CAB39: variants seen among roughly 807,000 people sequenced by gnomAD.
The protein encoded by CAB39 is calcium-binding protein 39.
Under a neutral mutation model 40.0 loss-of-function variants are expected in CAB39, and 8 were observed. The ratio of observed to expected loss-of-function variants is 0.20; its 90% CI spans 0.12 to 0.36. CAB39 has a LOEUF of 0.36. Among genes scored for constraint, CAB39 ranks in the 10% least tolerant of loss-of-function variants. The probability of loss-of-function intolerance (pLI) is 1.00; values close to 1 mark genes in which losing one functional copy is unlikely to be tolerated. For synonymous variants in CAB39, 156 were observed against 141.6 expected (o/e 1.10, Z -0.72); for missense variants, 270 against 401.1 (o/e 0.67, Z 2.79).
At chr2:230,749,211 AATC>A (rs1426144232) in intron 1 of CAB39, among the ~76,000 whole-genome samples, 1 of 151,990 alleles carries the variant, frequency 6.6e-6, no homozygotes, top group Non-Finnish European at 1.5e-5. Flanking sequence ...AATGCATTGT[AATC>A]ATTATTTTTT....
intron 1 of CAB39, among the ~76,000 whole-genome samples, chr2:230,716,574 T>C (rs1694353821): frequency 1.3e-5 from 2 of 152,226 alleles, no homozygotes; most frequent in South Asian, 4.1e-4. Flanking sequence ...TTAAAAAATG[T>C]TTTAATTAAA....
intron 1 of CAB39, among the ~76,000 whole-genome samples, chr2:230,758,035 A>G (rs1385418623): frequency 6.6e-6 from 1 of 152,204 alleles, no homozygotes; most frequent in African/African-American, 2.4e-5. Flanking sequence ...ATGATGGCTC[A>G]CACCTGTAAT....
At chr2:230,773,904 A>G (rs1011622513) in intron 2 of CAB39, among the ~76,000 whole-genome samples, 1 of 152,178 alleles carries the variant, frequency 6.6e-6, no homozygotes, top group Non-Finnish European at 1.5e-5. Context: ...CTGTTTCTGA[A>G]GAGGTATTGA....
intron 2 of CAB39, among the ~76,000 whole-genome samples, chr2:230,762,964 C>CT (rs1456311696): frequency 6.6e-6 from 1 of 152,172 alleles, no homozygotes; most frequent in Non-Finnish European, 1.5e-5. Flanking sequence ...CTCAAGACCC[C>CT]TTTTATACTC....
intron 1 of CAB39, among the ~76,000 whole-genome samples, chr2:230,732,044 G>T (rs1694700494): frequency 6.6e-6 from 1 of 151,758 alleles, no homozygotes; most frequent in Admixed American, 6.6e-5. Context: ...GTGGTCAAAG[G>T]AGAGAGAGCT....
chr2:230,778,164 G>A (rs1424168486), intron 2 of CAB39, among the ~76,000 whole-genome samples: 2 of 152,120 alleles, frequency 1.3e-5, no homozygotes, highest in African/African-American at 4.8e-5. Context: ...TTTCTATATT[G>A]AGGTTAGAAT....
At chr2:230,732,804 G>A (rs556927519) in intron 1 of CAB39, among the ~76,000 whole-genome samples, 13 of 152,154 alleles carry the variant, frequency 8.5e-5, no homozygotes, top group Non-Finnish European at 1.3e-4. Flanking sequence ...GCAACTAGTT[G>A]CCCACCTGGC....
intron 1 of CAB39, among the ~76,000 whole-genome samples, chr2:230,718,625 G>A (rs1236766900): frequency 6.6e-6 from 1 of 152,130 alleles, no homozygotes; most frequent in African/African-American, 2.4e-5. Context: ...GTTGTAGGAC[G>A]ATTAAATGAG....
intron 1 of CAB39, among the ~76,000 whole-genome samples, chr2:230,756,693 A>G (rs1262368760): frequency 7.6e-6 from 1 of 132,002 alleles, no homozygotes; most frequent in Non-Finnish European, 1.6e-5. Flanking sequence ...TTATTTATTT[A>G]TTTATTTATT....
At chr2:230,746,945 G>C (rs989185005) in intron 1 of CAB39, among the ~76,000 whole-genome samples, 3 of 152,180 alleles carry the variant, frequency 2.0e-5, no homozygotes, top group Non-Finnish European at 4.4e-5. Context: ...TTAGTTGGGA[G>C]TGATACATAC....
chr2:230,760,474 T>A (rs991802538), intron 2 of CAB39, among the ~76,000 whole-genome samples: 1 of 152,198 alleles, frequency 6.6e-6, no homozygotes, highest in Non-Finnish European at 1.5e-5. Flanking sequence ...CGCCTCTGCC[T>A]CCCAAAGTGC....
At chr2:230,777,957 C>T (rs1575940028) in intron 2 of CAB39, among the ~76,000 whole-genome samples, 2 of 152,288 alleles carry the variant, frequency 1.3e-5, no homozygotes, top group South Asian at 4.2e-4. Context: ...CCAAATTGCC[C>T]TCCAGTAAAG....
At chr2:230,770,287 C>T (rs529999039) in intron 2 of CAB39, among the ~76,000 whole-genome samples, 1 of 152,204 alleles carries the variant, frequency 6.6e-6, no homozygotes, top group African/African-American at 2.4e-5. Flanking sequence ...TGAGAGATTC[C>T]TGTAGTGACA....
chr2:230,737,354 T>G (rs554668150), intron 1 of CAB39, among the ~76,000 whole-genome samples: 2 of 152,170 alleles, frequency 1.3e-5, no homozygotes, highest in African/African-American at 2.4e-5. Context: ...CCCACTGTTA[T>G]GGAACAAGCT....
At chr2:230,791,093 A>AT in intron 3 of CAB39, 57 bp downstream of exon 3, 1 of 1,250,522 alleles carries the variant, frequency 8.0e-7, no homozygotes, top group Non-Finnish European at 1.1e-6. Flanking sequence ...ATTCTTTTCC[A>AT]TACGTTCTCT....
intron 2 of CAB39, among the ~76,000 whole-genome samples, chr2:230,784,169 G>A (rs1695747443): frequency 6.6e-6 from 1 of 152,140 alleles, no homozygotes; most frequent in Non-Finnish European, 1.5e-5. Flanking sequence ...ATTGGGGCGA[G>A]GTGAAGAGGG....
chr2:230,796,095 C>T (rs775084993), intron 4 of CAB39, among the ~76,000 whole-genome samples: 1 of 152,082 alleles, frequency 6.6e-6, no homozygotes, highest in Admixed American at 6.5e-5. Context: ...TGCTTTCTGG[C>T]GTAGGATGAC....
intron 1 of CAB39, among the ~76,000 whole-genome samples, chr2:230,726,193 C>G (rs533492456): frequency 4.0e-5 from 6 of 151,888 alleles, no homozygotes; most frequent in African/African-American, 1.4e-4. Context: ...GACGGAGTCT[C>G]TCTCTGTTAC....
At chr2:230,760,384 T>C (rs1022456075) in intron 2 of CAB39, among the ~76,000 whole-genome samples, 24 of 152,192 alleles carry the variant, frequency 1.6e-4, no homozygotes, top group Non-Finnish European at 1.8e-4. Flanking sequence ...TTATTTATTA[T>C]TACTAATTAT....
Sources: gnomAD v4.1 joint callset for allele counts (sites outside exome capture counted in the v4.1 genomes callset) on GRCh38, gnomAD v4.1.1 for gene constraint, MANE v1.5 for transcripts, NCBI Gene and HGNC (gene_info 2026-07-23, HGNC 2026-07-21) for gene names.